ZCWPW2: variants seen among roughly 807,000 people sequenced by gnomAD.
The protein encoded by ZCWPW2 is zinc finger CW-type and PWWP domain containing 2.
In ZCWPW2, 45 loss-of-function variants were observed where a neutral mutation model predicts 46.6. The observed-to-expected ratio is 0.96, with a 90% confidence interval of 0.76 to 1.24. The LOEUF (loss-of-function observed/expected upper bound fraction) is 1.24. ZCWPW2 is among the 50% of genes most tolerant of loss of function. The pLI, the probability that ZCWPW2 is intolerant of heterozygous loss-of-function variation, is 0.00. For missense variants in ZCWPW2, 429 were observed against 403.9 expected (o/e 1.06, Z -0.53); for synonymous variants, 152 against 137.1 (o/e 1.11, Z -0.76).
At chr3:28,356,567 C>T (rs566799692) in intron 1 of ZCWPW2, among the ~76,000 whole-genome samples, 6 of 152,122 alleles carry the variant, frequency 3.9e-5, no homozygotes, top group South Asian at 2.1e-4. Context: ...ATGTTTGTTG[C>T]GGCACTATTC....
intron 4 of ZCWPW2, among the ~76,000 whole-genome samples, chr3:28,443,405 C>T (rs772838875): frequency 1.9e-4 from 29 of 152,112 alleles, no homozygotes; most frequent in Non-Finnish European, 2.4e-4. Flanking sequence ...TAAACTGGCT[C>T]AAGTCTGGAA....
intron 1 of ZCWPW2, among the ~76,000 whole-genome samples, chr3:28,350,665 G>A (rs1299588769): frequency 2.7e-5 from 4 of 149,012 alleles, no homozygotes; most frequent in Non-Finnish European, 4.4e-5. Context: ...TTTCCACCCT[G>A]TATCTGCTTC....
intron 1 of ZCWPW2, among the ~76,000 whole-genome samples, chr3:28,382,787 A>G (rs917105556): frequency 2.0e-5 from 3 of 152,166 alleles, no homozygotes; most frequent in African/African-American, 7.2e-5. Flanking sequence ...AATGAGTAAA[A>G]TTAAGGAAAT....
At chr3:28,410,380 A>G (rs1696355088) in intron 2 of ZCWPW2, among the ~76,000 whole-genome samples, 1 of 151,464 alleles carries the variant, frequency 6.6e-6, no homozygotes, top group Non-Finnish European at 1.5e-5. Flanking sequence ...TGGTATAATG[A>G]TTAAATGTAC....
intron 1 of ZCWPW2, among the ~76,000 whole-genome samples, chr3:28,378,153 A>G (rs950062526): frequency 6.6e-6 from 1 of 152,034 alleles, no homozygotes; most frequent in South Asian, 2.1e-4. Context: ...CTCTTAATAA[A>G]TTTTTGTAGG....
At chr3:28,507,349 T>A (rs910071000) in intron 6 of ZCWPW2, among the ~76,000 whole-genome samples, 3 of 152,206 alleles carry the variant, frequency 2.0e-5, no homozygotes, top group Non-Finnish European at 4.4e-5. Flanking sequence ...TATCTTTTAA[T>A]CTTATTTCCT....
intron 2 of ZCWPW2, among the ~76,000 whole-genome samples, chr3:28,403,654 G>A (rs1696038334): frequency 6.6e-6 from 1 of 152,050 alleles, no homozygotes; most frequent in South Asian, 2.1e-4. Flanking sequence ...ATACTATAAG[G>A]CCATAGTCAC....
At chr3:28,413,626 A>G (rs1696499573) in intron 3 of ZCWPW2, among the ~76,000 whole-genome samples, 1 of 152,132 alleles carries the variant, frequency 6.6e-6, no homozygotes, top group Non-Finnish European at 1.5e-5. Flanking sequence ...TTAAAGCTAT[A>G]AATTTTTCTC....
chr3:28,396,433 T>C (rs537306490), intron 2 of ZCWPW2, among the ~76,000 whole-genome samples: 45 of 152,350 alleles, frequency 3.0e-4, no homozygotes, highest in Admixed American at 4.6e-4. Context: ...AATGGCATTA[T>C]GTGAACATTT....
At chr3:28,371,347 T>G (rs925083447) in intron 1 of ZCWPW2, among the ~76,000 whole-genome samples, 1 of 152,106 alleles carries the variant, frequency 6.6e-6, no homozygotes, top group African/African-American at 2.4e-5. Context: ...CAAGAACAAC[T>G]GGGGATTTAC....
intron 1 of ZCWPW2, among the ~76,000 whole-genome samples, chr3:28,381,481 G>C (rs765867003): frequency 4.6e-5 from 7 of 152,110 alleles, no homozygotes; most frequent in Non-Finnish European, 1.0e-4. Context: ...TGGTTTTGCT[G>C]TTTCAGGGAT....
At chr3:28,435,479 T>C (rs1329328588) in intron 4 of ZCWPW2, among the ~76,000 whole-genome samples, 1 of 151,492 alleles carries the variant, frequency 6.6e-6, no homozygotes, top group Non-Finnish European at 1.5e-5. Context: ...TTATTTTTCT[T>C]TCTGTCTTTT....
intron 6 of ZCWPW2, among the ~76,000 whole-genome samples, chr3:28,499,133 C>A (rs551665741): frequency 6.6e-6 from 1 of 152,200 alleles, no homozygotes; most frequent in Non-Finnish European, 1.5e-5. Flanking sequence ...TTTATAGTAG[C>A]ATGATTTATA....
chr3:28,473,340 T>C (rs1699110030), intron 4 of ZCWPW2, among the ~76,000 whole-genome samples: 1 of 152,138 alleles, frequency 6.6e-6, no homozygotes, highest in Admixed American at 6.5e-5. Flanking sequence ...CCAGGTGTGA[T>C]GGCACATGCC....
intron 6 of ZCWPW2, among the ~76,000 whole-genome samples, chr3:28,500,543 C>A (rs984016265): frequency 6.6e-6 from 1 of 151,918 alleles, no homozygotes; most frequent in African/African-American, 2.4e-5. Context: ...AATTAAGGAC[C>A]ATTTTCTTGA....
chr3:28,357,590 T>C (rs539525111), intron 1 of ZCWPW2, among the ~76,000 whole-genome samples: 2 of 151,910 alleles, frequency 1.3e-5, no homozygotes, highest in Admixed American at 6.6e-5. Context: ...CTCTCTCTGC[T>C]TGAATATTTG....
At chr3:28,352,315 G>T (rs1344435563) in intron 1 of ZCWPW2, among the ~76,000 whole-genome samples, 1 of 152,136 alleles carries the variant, frequency 6.6e-6, no homozygotes, top group Non-Finnish European at 1.5e-5. Context: ...GGCTTTCCCG[G>T]GGGGGTTATA....
At chr3:28,375,166 TTTTG>T (rs780348866) in intron 1 of ZCWPW2, among the ~76,000 whole-genome samples, 5 of 152,094 alleles carry the variant, frequency 3.3e-5, no homozygotes, top group Non-Finnish European at 4.4e-5. Flanking sequence ...TTTTTTAGTT[TTTTG>T]TTTGTTTGTT....
chr3:28,437,475 T>C (rs1170311177), intron 4 of ZCWPW2, among the ~76,000 whole-genome samples: 1 of 152,218 alleles, frequency 6.6e-6, no homozygotes, highest in Non-Finnish European at 1.5e-5. Flanking sequence ...TGTTTTATTA[T>C]GAAAATTTTA....
Sources: allele counts gnomAD v4.1 joint callset (sites outside exome capture counted in the v4.1 genomes callset), GRCh38; gene constraint gnomAD v4.1.1; transcripts MANE v1.5; gene names NCBI Gene and HGNC (gene_info 2026-07-23, HGNC 2026-07-21).